Variants in UBASH3B observed in about 807,000 individuals in gnomAD.
UBASH3B encodes the protein ubiquitin associated and SH3 domain containing B, also known as ubiquitin-associated and SH3 domain-containing protein B.
In UBASH3B, 37 loss-of-function variants were observed where a neutral mutation model predicts 83.4. That is an observed-to-expected ratio of 0.44 (90% confidence interval 0.34 to 0.58). UBASH3B has a LOEUF of 0.58. UBASH3B is among the 20% of genes least tolerant of loss of function. The probability of loss-of-function intolerance (pLI) is 0.01; values close to 1 mark genes in which losing one functional copy is unlikely to be tolerated. For synonymous variants in UBASH3B, 304 were observed against 318.3 expected (o/e 0.96, Z 0.48); for missense variants, 657 against 827.2 (o/e 0.79, Z 2.52).
chr11:122,732,742 A>G (rs776557266), intron 1 of UBASH3B, among the ~76,000 whole-genome samples: 9 of 152,242 alleles, frequency 5.9e-5, no homozygotes, highest in East Asian at 3.8e-4. Context: ...AAATAGCCTT[A>G]AAGTAAGGAC....
At chr11:122,706,262 T>C (rs1864118834) in intron 1 of UBASH3B, among the ~76,000 whole-genome samples, 1 of 152,014 alleles carries the variant, frequency 6.6e-6, no homozygotes, top group South Asian at 2.1e-4. Context: ...ATTACAGGCA[T>C]GCGCCACAGA....
chr11:122,725,667 A>G (rs1030269945), intron 1 of UBASH3B, among the ~76,000 whole-genome samples: 2 of 152,036 alleles, frequency 1.3e-5, no homozygotes, highest in Non-Finnish European at 2.9e-5. Context: ...GTGGGGCTCC[A>G]TTGCTTGTTT....
chr11:122,698,813 A>G (rs1329793537), intron 1 of UBASH3B, among the ~76,000 whole-genome samples: 1 of 152,122 alleles, frequency 6.6e-6, no homozygotes, highest in African/African-American at 2.4e-5. Context: ...AGTTGTGGTT[A>G]TAAATGTGTA....
intron 1 of UBASH3B, among the ~76,000 whole-genome samples, chr11:122,674,375 CTGTCTTT>C (rs1367492558): frequency 1.1e-4 from 16 of 144,972 alleles, no homozygotes; most frequent in Non-Finnish European, 1.7e-4. Context: ...CAAACATTGT[CTGTCTTT>C]TTTTTTTTTT....
chr11:122,676,958 C>T (rs1863675679), intron 1 of UBASH3B, among the ~76,000 whole-genome samples: 1 of 152,124 alleles, frequency 6.6e-6, no homozygotes, highest in Admixed American at 6.5e-5. Flanking sequence ...TTGATGAATC[C>T]ATGGATAACT....
rs1187942897 is a variant in UBASH3B, at chr11:122,809,889, C to CATA, written c.*4_*5insTAA. On this transcript the variant is annotated 3_prime_UTR_variant, in exon 14 of 14. Transcript: ENST00000284273. ...GAGAGACCTTGCTTCAAGAATAAAC[C>CATA]ACACCAGTGAACAAGAAGGAAAGGC... 5 of 1,613,274 alleles carry CATA rather than the reference C, an allele frequency of 3.1e-6. No homozygotes were observed. The highest frequency in any genetic ancestry group is 1.7e-4 in the Middle Eastern group (1 of 6,058).
At position 122,789,138 on chromosome 11, in the gene UBASH3B, C is replaced by T. The variant is rs201266015; in HGVS notation, c.810C>T (p.Asp270=). The change falls in exon 6 of 14, where the codon GAC becomes GAT. Residue 270 remains aspartate (D), a synonymous_variant. Transcript: ENST00000284273. Reference sequence around the variant, plus strand: ...TCTACCCCTATACCCCACAAAATGACGATGAGCTGGAGCTGGTCCCCGGGG... The same window carrying T: ...TCTACCCCTATACCCCACAAAATGATGATGAGCTGGAGCTGGTCCCCGGGG... ...QVIYPYTPQN[D]DELELVPGDF... is the part of the protein sequence containing the mutation. The T allele has an allele frequency of 5.6e-5, 91 of 1,613,886 alleles. No individual in the cohort carries two copies. Among genetic ancestry groups the T allele is most frequent in the Non-Finnish European group, 6.8e-5 (80 of 1,180,002 alleles).
At chr11:122,737,268 G>A (rs1860949215) in intron 1 of UBASH3B, among the ~76,000 whole-genome samples, 1 of 152,142 alleles carries the variant, frequency 6.6e-6, no homozygotes, top group Non-Finnish European at 1.5e-5. Flanking sequence ...AATTGGAAAG[G>A]GCAAAACCGG....
rs780771827 is a variant in UBASH3B, at chr11:122,783,168, G to T, written c.717G>T (p.Gly239=). The T allele has an allele frequency of 6.2e-7, 1 of 1,614,128 alleles. No individual in the cohort carries two copies. Among genetic ancestry groups the T allele is most frequent in the South Asian group, 1.1e-5 (1 of 91,076 alleles). The stretch of plus-strand genomic sequence containing the variant: ...CCCAGAACATTGACGTCAAGCTAGG[G>T]TGTGACTGGGTGGCTACCATATTTT... ...KLAQNIDVKL[G]CDWVATIFSR... is the part of the protein sequence containing the mutation. The change falls in exon 5 of 14, where the codon GGG becomes GGT. Residue 239 remains glycine (G), a synonymous_variant. Transcript: ENST00000284273.
intron 1 of UBASH3B, among the ~76,000 whole-genome samples, chr11:122,755,190 A>T (rs904706039): frequency 1.3e-5 from 2 of 152,204 alleles, no homozygotes; most frequent in Admixed American, 1.3e-4. Context: ...AAGCATATGT[A>T]GTGAAAGCTA....
At chr11:122,788,426 A>G (rs957874290) in intron 5 of UBASH3B, among the ~76,000 whole-genome samples, 2 of 152,084 alleles carry the variant, frequency 1.3e-5, no homozygotes, top group African/African-American at 4.8e-5. Context: ...AAAATTAGCC[A>G]GGTGTGGTGG....
Position 122,796,962 on chromosome 11 carries a change from G to A in UBASH3B, c.1286G>A (p.Ser429Asn), listed in dbSNP as rs777238104. The change falls in exon 9 of 14, where the codon AGT becomes AAT. Residue 429 changes from serine (S) to asparagine (N), a missense_variant. Physicochemically the swap from Ser to Asn is conservative, Grantham distance 46. Transcript: ENST00000284273. ...LNMPHSLPQRSGGFRDYEKDA... is the reference protein window; with the variant it reads ...LNMPHSLPQRNGGFRDYEKDA... Reference sequence around the variant, plus strand: ...ATGCCTCATAGTTTACCTCAGCGGAGTGGTGGTTTCCGAGATTACGAGAAA... The same window carrying A: ...ATGCCTCATAGTTTACCTCAGCGGAATGGTGGTTTCCGAGATTACGAGAAA... 6.2e-7 allele frequency: 1 copy of A among 1,614,134 alleles called. No individual in the cohort carries two copies. The highest frequency in any genetic ancestry group is 8.5e-7 in the Non-Finnish European group (1 of 1,180,018).
chr11:122,744,898 T>TGTGTGTGTGCGCGC (rs1293701124), intron 1 of UBASH3B, among the ~76,000 whole-genome samples: 1 of 107,802 alleles, frequency 9.3e-6, no homozygotes, highest in African/African-American at 2.9e-5. Context: ...TGTGTGTGTG[T>TGTGTGTGTGCGCGC]GCGCGCGCGC....
chr11:122,695,549 G>A (rs556981799), intron 1 of UBASH3B, among the ~76,000 whole-genome samples: 32 of 152,300 alleles, frequency 2.1e-4, no homozygotes, highest in South Asian at 6.2e-4. Flanking sequence ...TGATGCTGTC[G>A]CCATTTCAGC....
chr11:122,721,919 A>AAGAATGACATTCATAGAAGACACTGTTT (rs1259547594), intron 1 of UBASH3B, among the ~76,000 whole-genome samples: 1 of 152,234 alleles, frequency 6.6e-6, no homozygotes, highest in Non-Finnish European at 1.5e-5. Flanking sequence ...TAAGGAGTCA[A>AAGAATGACATTCATAGAAGACACTGTTT]AGAATGACAT....
At position 122,814,339 on chromosome 11, in the gene UBASH3B, A is replaced by C. The variant is rs1861504171; in HGVS notation, c.*4453A>C. ...AAATTCTTTGTAAACTCTCCGTGGCACTTGTGCTTTCCTGGCTGAGAGCTC... is the reference window on the plus strand; with the variant it reads ...AAATTCTTTGTAAACTCTCCGTGGCCCTTGTGCTTTCCTGGCTGAGAGCTC... On this transcript the variant is annotated 3_prime_UTR_variant, in exon 14 of 14. Transcript: ENST00000284273. 6.6e-6 allele frequency: 1 copy of C among 152,582 alleles called. No individual in the cohort carries two copies. The highest frequency in any genetic ancestry group is 1.5e-5 in the Non-Finnish European group (1 of 68,032). The allele number at this position is 152,582 out of a possible 1,614,324, so 9.5% of individuals were successfully genotyped here.
At chr11:122,796,651 C>T (rs1861162603) in intron 8 of UBASH3B, among the ~76,000 whole-genome samples, 1 of 152,156 alleles carries the variant, frequency 6.6e-6, no homozygotes, top group Non-Finnish European at 1.5e-5. Context: ...ACCAGGGAAT[C>T]TCACCTGCTT....
At chr11:122,760,870 T>C (rs4935810) in intron 1 of UBASH3B, among the ~76,000 whole-genome samples, 78,027 of 152,030 alleles carry the variant, frequency 0.51, 21,630 homozygotes, top group Non-Finnish European at 0.63. Flanking sequence ...GGAAATCTCT[T>C]TTTGTCATAC....
rs762737156 is a variant in UBASH3B at position 122,783,034 on chromosome 11, T to C, written c.602-19T>C. On this transcript the variant is annotated intron_variant, in intron 4 of 13. Transcript: ENST00000284273. ...CATCACCACCTTTTAATTACTGACC[T>C]TTTTCTTCCTTTTTCCAGAAGTGCA... 8.7e-6 allele frequency: 14 copies of C among 1,606,128 alleles called. No homozygotes were observed. The highest frequency in any genetic ancestry group is 1.1e-5 in the Non-Finnish European group (13 of 1,176,552).
Sources: allele counts gnomAD v4.1 joint callset (sites outside exome capture counted in the v4.1 genomes callset), GRCh38; gene constraint gnomAD v4.1.1; transcripts MANE v1.5; gene names NCBI Gene and HGNC (gene_info 2026-07-23, HGNC 2026-07-21).